The following SPHK2 variants were observed in gnomAD, a reference collection of about 807,000 sequenced individuals.
SPHK2 encodes sphingosine kinase 2.
SPHK2 carries 18 observed loss-of-function variants against 32.3 expected under a neutral mutation model. The observed-to-expected ratio is 0.56, with a 90% CI of 0.39 to 0.83. The LOEUF is 0.83. SPHK2 is among the 40% of genes least tolerant of loss of function. The probability of loss-of-function intolerance (pLI) is 0.00; values close to 1 mark genes in which losing one functional copy is unlikely to be tolerated. For synonymous variants in SPHK2, 462 were observed against 417.6 expected (o/e 1.11, Z -1.30); for missense variants, 850 against 908.7 (o/e 0.94, Z 0.83).
rs368294143 is a variant in SPHK2, at chr19:48,628,448, G to C, written c.872+171G>C. The C allele has an allele frequency of 1.1e-6, 1 of 900,300 alleles. No homozygotes were observed. Among genetic ancestry groups the C allele is most frequent in the African/African-American group, 1.6e-5 (1 of 61,630 alleles). The allele number at this position is 900,300 out of a possible 1,614,324, so 55.8% of individuals were successfully genotyped here. A position where few individuals can be genotyped will look rare whatever the true frequency, so the allele number is the denominator to read the frequency against. ...CCTGCCTGCTTCCCAGCTGTATCCC[G>C]AGCGCCCAGAACTCTGCCTGGCATG... On this transcript the variant is annotated intron_variant, in intron 6 of 6. Coordinates refer to ENST00000245222, the MANE Select transcript of SPHK2 (RefSeq NM_020126.5). This position sits in a 1 kb window ranked among gnomAD's most constrained non-coding sequence, Gnocchi z 5.2.
At chr19:48,627,085 G>A (rs111579309) in intron 3 of SPHK2, among the ~76,000 whole-genome samples, 245 of 152,326 alleles carry the variant, frequency 1.6e-3, no homozygotes, top group African/African-American at 5.6e-3. Flanking sequence ...AGTGAGCCGA[G>A]ATTGCACCAT....
intron 2 of SPHK2, chr19:48,625,267 T>G: frequency 9.1e-7 from 1 of 1,104,058 alleles, no homozygotes; most frequent in Non-Finnish European, 1.1e-6. Context: ...TCTTACTCTC[T>G]TAAGTATCTT....
chr19:48,629,802 G>T lies in SPHK2; in HGVS notation c.*29G>T. 1.3e-6 allele frequency: 2 copies of T among 1,530,858 alleles called. No individual in the cohort carries two copies. Among genetic ancestry groups the T allele is most frequent in the Non-Finnish European group, 1.8e-6 (2 of 1,137,580 alleles). 94.8% of individuals were successfully genotyped at this position (1,530,858 alleles called of 1,614,324 possible). ...TAAACAAGCTTGGTACCCGCCGGGGGCGGGGCCTACATTCCAATGGGGCGG... is the reference window on the plus strand; with the variant it reads ...TAAACAAGCTTGGTACCCGCCGGGGTCGGGGCCTACATTCCAATGGGGCGG... On this transcript the variant is annotated 3_prime_UTR_variant, in exon 7 of 7. Transcript: ENST00000245222.
rs1019956208 is a variant in SPHK2, at chr19:48,625,950, G to T, written c.99G>T (p.Arg33Ser). The change falls in exon 3 of 7, where the codon AGG (arginine) becomes AGT (serine). Residue 33 changes from arginine (R) to serine (S), a missense_variant. Arg to Ser is a moderately radical substitution (Grantham distance 110). This residue lies in a region of SPHK2 where 544 missense variants were observed against 640.0 expected (regional missense o/e 0.85). Transcript: ENST00000245222. ...ACGGGCCTAGGAGCACCCTGGTCAGGGCTAAGGCCATGGCCCCGCCCCCAC... is the reference window on the plus strand; with the variant it reads ...ACGGGCCTAGGAGCACCCTGGTCAGTGCTAAGGCCATGGCCCCGCCCCCAC... ...WGHGPRSTLV[R>S]AKAMAPPPPP... The T allele has an allele frequency of 2.5e-6, 4 of 1,612,236 alleles. No individual in the cohort carries two copies. The African/African-American group carries it at 5.3e-5, about 22-fold the overall frequency.
In SPHK2 at chr19:48,620,491, T is replaced by C; in HGVS notation, c.-24T>C. ...AGACCCAGGGCCAGGGTCCCGTTGA[T>C]GTAACAGAGCAGAGGACCAGCAGAT... On this transcript the variant is annotated 5_prime_UTR_variant, in exon 2 of 7. The change abolishes an upstream ATG in the 5' untranslated region. Coordinates refer to ENST00000245222, the MANE Select transcript of SPHK2 (RefSeq NM_020126.5). 6.2e-7 allele frequency: 1 copy of C among 1,611,362 alleles called. No individual in the cohort carries two copies. The highest frequency in any genetic ancestry group is 8.5e-7 in the Non-Finnish European group (1 of 1,178,476).
At position 48,629,542 on chromosome 19, in the gene SPHK2, T is replaced by C. The variant is rs1451373016; in HGVS notation, c.1734T>C (p.Ala578=). ...LCWVRSGISR[A]ALLRLFLAME... is the part of the protein sequence containing the mutation. ...GGGTGCGTAGCGGCATCTCGCGGGC[T>C]GCGCTGCTGCGCCTTTTCTTGGCCA... The change falls in exon 7 of 7, where the codon GCT becomes GCC. Residue 578 remains alanine, a synonymous_variant. Transcript: ENST00000245222. The C allele has an allele frequency of 1.9e-6, 3 of 1,602,974 alleles. No homozygotes were observed. The highest frequency in any genetic ancestry group is 3.4e-5 in the Admixed American group (2 of 58,768).
chr19:48,620,686 G>T, intron 2 of SPHK2, 133 bp downstream of exon 2: 1 of 738,726 alleles, frequency 1.4e-6, no homozygotes, highest in Non-Finnish European at 2.2e-6. Flanking sequence ...CACTCTGGGA[G>T]GCCAAGGCCT....
chr19:48,629,209 G>A lies in SPHK2; in HGVS notation c.1401G>A (p.Pro467=), dbSNP rs150675038. The change falls in exon 7 of 7, where the codon CCG becomes CCA. Residue 467 remains proline, a synonymous_variant. Transcript: ENST00000245222. ...GGGCTGGGGATGCTCCGCTGTCCCC[G>A]GACCCACTGCTGTCTTCACCTCCTG... ...WGGAGDAPLS[P]DPLLSSPPGS... is the part of the protein sequence containing the mutation. The A allele has an allele frequency of 2.7e-5, 44 of 1,613,446 alleles. No individual in the cohort carries two copies. The highest frequency in any genetic ancestry group is 3.3e-5 in the South Asian group (3 of 91,086).
intron 2 of SPHK2, among the ~76,000 whole-genome samples, chr19:48,622,912 G>A (rs563254295): frequency 1.3e-4 from 20 of 150,864 alleles, no homozygotes; most frequent in Middle Eastern, 3.5e-3. Flanking sequence ...TTACAGGTGC[G>A]TGCTACCACA....
At chr19:48,625,741 G>A in intron 2 of SPHK2, 150 bp from the exon 3 acceptor site, 1 of 1,535,330 alleles carries the variant, frequency 6.5e-7, no homozygotes. Context: ...CTCAAGGTCT[G>A]CCCACACCTG....
At position 48,629,046 on chromosome 19, in the gene SPHK2, A is replaced by G; in HGVS notation, c.1238A>G (p.His413Arg). Residue 413 changes from histidine (H) to arginine (R), a missense_variant, in exon 7 of 7, where the codon CAC (histidine) becomes CGC (arginine). Transcript: ENST00000245222. ...CCAGACCCAGCCCCGCCCATGGCCC[A>G]CTCACCCCTGCATCGTTCTGTGTCT... ...LTPDPAPPMAHSPLHRSVSDL... is the reference protein window; with the variant it reads ...LTPDPAPPMARSPLHRSVSDL... 6.2e-7 allele frequency: 1 copy of G among 1,611,850 alleles called. No individual in the cohort carries two copies. Among genetic ancestry groups the G allele is most frequent in the Non-Finnish European group, 8.5e-7 (1 of 1,179,456 alleles).
Position 48,629,761 on chromosome 19 carries a change from G to A in SPHK2, c.1953G>A (p.Gly651=), listed in dbSNP as rs750680338. 15 of 1,573,468 alleles carry A rather than the reference G, an allele frequency of 9.5e-6. No individual in the cohort carries two copies. The highest frequency in any genetic ancestry group is 1.3e-5 in the Non-Finnish European group (15 of 1,156,768). ...TLLTGPPGCP[G]REP ...TCACTGGGCCTCCTGGCTGCCCGGG[G>A]CGGGAGCCCTGAAACTAAACAAGCT... The change falls in exon 7 of 7, where the codon GGG becomes GGA. Residue 651 remains glycine (G), a synonymous_variant. Transcript: ENST00000245222.
rs532584390 is a variant in SPHK2 at position 48,625,911 on chromosome 19, C to G, written c.60C>G (p.Thr20=). Residue 20 remains threonine, a synonymous_variant, in exon 3 of 7, where the codon ACC becomes ACG. Transcript: ENST00000245222. The part of the protein sequence containing the change: ...QQDQRPDQEL[T]GSWGHGPRST... ...CACAGAGGCCAGACCAGGAGCTGACCGGGAGCTGGGGCCACGGGCCTAGGA... is the reference window on the plus strand; with the variant it reads ...CACAGAGGCCAGACCAGGAGCTGACGGGGAGCTGGGGCCACGGGCCTAGGA... 2.5e-6 allele frequency: 4 copies of G among 1,611,724 alleles called. No individual in the cohort carries two copies. The highest frequency in any genetic ancestry group is 3.4e-6 in the Non-Finnish European group (4 of 1,179,502).
intron 2 of SPHK2, among the ~76,000 whole-genome samples, chr19:48,622,273 TA>T (rs796524993): frequency 2.6e-4 from 25 of 97,714 alleles, no homozygotes; most frequent in East Asian, 1.8e-3. Flanking sequence ...AAAAAAAAAA[TA>T]AAAAAAAATA....
intron 4 of SPHK2, 30 bp downstream of exon 4, chr19:48,627,871 G>C (rs758489935): frequency 1.3e-6 from 2 of 1,596,690 alleles, no homozygotes; most frequent in Non-Finnish European, 1.7e-6. Context: ...GGAGCTGGGG[G>C]CTGGGACAGC....
rs1015765049 is a variant in SPHK2, at chr19:48,629,800, G to A, written c.*27G>A. 1 of 1,531,628 alleles carries A rather than the reference G, an allele frequency of 6.5e-7. No homozygotes were observed. Among genetic ancestry groups the A allele is most frequent in the Non-Finnish European group, 8.8e-7 (1 of 1,137,944 alleles). The allele number at this position is 1,531,628 out of a possible 1,614,324, so 94.9% of individuals were successfully genotyped here. On this transcript the variant is annotated 3_prime_UTR_variant, in exon 7 of 7. Transcript: ENST00000245222. ...ACTAAACAAGCTTGGTACCCGCCGG[G>A]GGCGGGGCCTACATTCCAATGGGGC...
intron 2 of SPHK2, chr19:48,623,481 C>T (rs1012551422): frequency 2.2e-4 from 33 of 152,250 alleles, no homozygotes; most frequent in Non-Finnish European, 7.3e-5. Flanking sequence ...CTAATATATA[C>T]TTGCCTTTCT....
chr19:48,624,977 G>T (rs1179218327), intron 2 of SPHK2: 7 of 987,464 alleles, frequency 7.1e-6, no homozygotes, highest in Non-Finnish European at 8.4e-6. Flanking sequence ...GCGAAAGGAG[G>T]AGGCAGAATC....
At chr19:48,619,890 G>A (rs1209964451) in intron 1 of SPHK2, 1 of 153,618 alleles carries the variant, frequency 6.5e-6, no homozygotes, top group African/African-American at 2.4e-5. Flanking sequence ...AGGGTAGGAA[G>A]GAGACCTAGA....
Sources: allele counts gnomAD v4.1 joint callset (sites outside exome capture counted in the v4.1 genomes callset), GRCh38; gene constraint gnomAD v4.1.1; regional missense constraint gnomAD v4.1.1; non-coding constraint Gnocchi (gnomAD v3.1); transcripts MANE v1.5; gene names NCBI Gene and HGNC (gene_info 2026-07-23, HGNC 2026-07-21).